Variants in AFDN observed in about 807,000 individuals in gnomAD.
The protein encoded by AFDN is afadin.
A neutral mutation model predicts 216.6 loss-of-function variants in AFDN; 68 were observed. That is an observed-to-expected ratio of 0.31 (90% CI 0.26 to 0.38). AFDN has a LOEUF of 0.38. AFDN is among the 10% of genes least tolerant of loss of function. AFDN has a pLI of 1.00. For synonymous variants in AFDN, 868 were observed against 853.7 expected, an observed-to-expected ratio of 1.02 and a Z score of -0.29; for missense variants, 2,136 against 2,342.0, an observed-to-expected ratio of 0.91 and a Z score of 1.82.
chr6:167,902,419 G>C, intron 12 of AFDN, 33 bp downstream of exon 12: 1 of 1,482,914 alleles, frequency 6.7e-7, no homozygotes, highest in Non-Finnish European at 9.4e-7. Context: ...ATAGAAGTGT[G>C]CTTGCTATAG....
chr6:167,882,993 G>A (rs117899656), intron 6 of AFDN, among the ~76,000 whole-genome samples: 2 of 152,044 alleles, frequency 1.3e-5, no homozygotes, highest in African/African-American at 4.8e-5. Context: ...TGTCAGCCAG[G>A]TGTTACGTGG....
intron 30 of AFDN, among the ~76,000 whole-genome samples, chr6:167,958,720 CG>C (rs1223801809): frequency 6.6e-6 from 1 of 152,168 alleles, no homozygotes; most frequent in Admixed American, 6.5e-5. Context: ...CTTGTTTTTG[CG>C]TGGAACTGTA....
At chr6:167,931,357 A>G (rs780418533) in intron 23 of AFDN, among the ~76,000 whole-genome samples, 9 of 152,140 alleles carry the variant, frequency 5.9e-5, no homozygotes, top group Non-Finnish European at 1.2e-4. Context: ...GAGATGTGGG[A>G]TGCCTGTTCA....
chr6:167,837,243 A>G (rs1780546268), intron 1 of AFDN, among the ~76,000 whole-genome samples: 1 of 152,188 alleles, frequency 6.6e-6, no homozygotes, highest in Non-Finnish European at 1.5e-5. Flanking sequence ...GCTTCACTAT[A>G]GTAAGATACA....
At chr6:167,848,439 AT>A (rs1781937689) in intron 1 of AFDN, among the ~76,000 whole-genome samples, 1 of 152,174 alleles carries the variant, frequency 6.6e-6, no homozygotes, top group African/African-American at 2.4e-5. Context: ...GATATAGTTT[AT>A]TTAACAGCTT....
Position 167,962,838 on chromosome 6 carries a change from T to G in AFDN, c.4968+271T>G. 7.8e-7 allele frequency: 1 copy of G among 1,276,190 alleles called. No homozygotes were observed. The highest frequency in any genetic ancestry group is 9.9e-7 in the Non-Finnish European group (1 of 1,006,136). The allele number at this position is 1,276,190 out of a possible 1,614,324, so 79.1% of individuals were successfully genotyped here. ...GGGCGTGTGTAGCAGTGAGCCTCTT[T>G]GCAAAGGGTTCGTTTCCTCGGGCAC... On this transcript the variant is annotated intron_variant, in intron 31 of 33. Coordinates refer to ENST00000683244, the MANE Select transcript of AFDN (RefSeq NM_001386888.1). This position sits in a 1 kb window ranked among gnomAD's most constrained non-coding sequence, Gnocchi z 5.2.
rs892782627 is a variant in AFDN at position 167,907,887 on chromosome 6, A to G, written c.1769+598A>G. On this transcript the variant is annotated intron_variant, in intron 13 of 33. Transcript: ENST00000683244. ...AACGTGTCACCTTAATCAGAATCCT[A>G]TTTCCTTGTGACCTCTAGAATTATT... is the stretch of plus-strand genomic sequence containing the variant. Among the ~76,000 whole-genome samples the G allele has an allele frequency of 4.0e-5, 6 of 151,824 alleles. No homozygotes were observed. In the South Asian group the frequency reaches 6.2e-4, roughly 16 times the overall value.
chr6:167,950,437 C>G (rs1795842669), intron 29 of AFDN, among the ~76,000 whole-genome samples: 1 of 151,106 alleles, frequency 6.6e-6, no homozygotes, highest in Admixed American at 6.6e-5. Context: ...TTCTCTCTGT[C>G]TCTCACAGAC....
intron 11 of AFDN, 76 bp downstream of exon 11, chr6:167,898,543 G>T: frequency 7.2e-7 from 1 of 1,394,148 alleles, no homozygotes; most frequent in South Asian, 1.6e-5. Flanking sequence ...AGATATCTTG[G>T]CTTTTTATTT....
rs75025156 is a variant in AFDN, at chr6:167,936,686, G to A, written c.3100-6443G>A. Reference sequence around the variant, plus strand: ...GGCTCGACAGACGACAGTTTGCTGAGGCATCTGACCAGCAGCAGAGGCAGG... The same window carrying A: ...GGCTCGACAGACGACAGTTTGCTGAAGCATCTGACCAGCAGCAGAGGCAGG... On this transcript the variant is annotated intron_variant, in intron 23 of 33. Transcript: ENST00000683244. Among the ~76,000 whole-genome samples, 653 of 152,132 alleles carry A rather than the reference G, an allele frequency of 4.3e-3. 3 individuals are homozygous for A. The highest frequency in any genetic ancestry group is 0.015 in the African/African-American group (623 of 41,498).
chr6:167,873,135 C>T (rs895340701), intron 4 of AFDN, among the ~76,000 whole-genome samples: 3 of 152,108 alleles, frequency 2.0e-5, no homozygotes, highest in Admixed American at 6.5e-5. Context: ...TTTCCGTAAT[C>T]AAATAATGTA....
chr6:167,893,759 C>T (rs1787894479), intron 8 of AFDN, 103 bp from the exon 9 acceptor site: 19 of 858,354 alleles, frequency 2.2e-5, no homozygotes, highest in South Asian at 1.9e-4. Flanking sequence ...TGAAGTTCAC[C>T]CTCTGCGTCT....
intron 1 of AFDN, among the ~76,000 whole-genome samples, chr6:167,834,809 G>A (rs777974674): frequency 1.3e-5 from 2 of 151,838 alleles, no homozygotes; most frequent in Middle Eastern, 3.4e-3. Flanking sequence ...GTGAGGTCCC[G>A]TCTCTACCAA....
At chr6:167,948,222 A>G (rs751482273) in intron 28 of AFDN, 71 bp from the exon 29 acceptor site, 282 of 1,334,580 alleles carry the variant, frequency 2.1e-4, no homozygotes, top group Non-Finnish European at 2.5e-4. Context: ...ATTTTAAAAC[A>G]GATCATTGAA....
At chr6:167,912,470 T>C (rs1790519734) in intron 15 of AFDN, among the ~76,000 whole-genome samples, 1 of 152,228 alleles carries the variant, frequency 6.6e-6, no homozygotes, top group South Asian at 2.1e-4. Context: ...TCAAGAAATG[T>C]TTCTTTTATA....
chr6:167,970,313 C>G lies in AFDN; in HGVS notation c.*378C>G, dbSNP rs1025610829. On this transcript the variant is annotated 3_prime_UTR_variant, in exon 34 of 34. Transcript: ENST00000683244. Reference sequence around the variant, plus strand: ...ATCGACCGAGGAGCACAAAGAAGTTCTGTTTCTGTTTTTTTCAGAAACTTT... The same window carrying G: ...ATCGACCGAGGAGCACAAAGAAGTTGTGTTTCTGTTTTTTTCAGAAACTTT... 1 of 259,866 alleles carries G rather than the reference C, an allele frequency of 3.8e-6. No individual in the cohort carries two copies. Among genetic ancestry groups the G allele is most frequent in the African/African-American group, 2.2e-5 (1 of 45,230 alleles). 16.1% of individuals were successfully genotyped at this position (259,866 alleles called of 1,614,324 possible).
rs143380888 is a variant in AFDN at position 167,956,808 on chromosome 6, A to G, written c.4833+4621A>G. 2.4e-3 allele frequency among the ~76,000 whole-genome samples: 361 copies of G among 151,980 alleles called. 4 individuals are homozygous for G. The highest frequency in any genetic ancestry group is 7.8e-3 in the African/African-American group (323 of 41,438). On this transcript the variant is annotated intron_variant, in intron 30 of 33. Coordinates refer to ENST00000683244, the MANE Select transcript of AFDN (RefSeq NM_001386888.1). The stretch of plus-strand genomic sequence containing the variant: ...GCTTGACCTCCTCACAACCTGACCA[A>G]TCTCTGTGCCCCCGTGACCAGAGCC...
intron 29 of AFDN, among the ~76,000 whole-genome samples, chr6:167,949,620 T>C (rs540003111): frequency 2.4e-4 from 37 of 152,318 alleles, no homozygotes; most frequent in African/African-American, 8.4e-4. Context: ...GCTGGAGTTA[T>C]CTGGGAGAAG....
intron 30 of AFDN, among the ~76,000 whole-genome samples, chr6:167,952,996 A>G (rs191757992): frequency 6.6e-6 from 1 of 152,396 alleles, no homozygotes; most frequent in East Asian, 1.9e-4. Context: ...TTTAGATAAA[A>G]GCAAGACTTT....
Sources: allele counts gnomAD v4.1 joint callset (sites outside exome capture counted in the v4.1 genomes callset), GRCh38; gene constraint gnomAD v4.1.1; non-coding constraint Gnocchi (gnomAD v3.1); transcripts MANE v1.5; gene names NCBI Gene and HGNC (gene_info 2026-07-23, HGNC 2026-07-21).